AOPEP: variants seen among roughly 807,000 people sequenced by gnomAD.
The protein encoded by AOPEP is aminopeptidase O (putative).
Under a neutral mutation model 98.1 loss-of-function variants are expected in AOPEP, and 77 were observed. That is an observed-to-expected ratio of 0.78 (90% confidence interval 0.65 to 0.95). AOPEP has a LOEUF of 0.95. Among genes scored for constraint, AOPEP ranks in the 40% least tolerant of loss-of-function variants. The probability of loss-of-function intolerance (pLI) is 0.00; values close to 1 mark genes in which losing one functional copy is unlikely to be tolerated. For missense variants in AOPEP, 1,024 were observed against 1,024.7 expected (o/e 1.00, Z 0.01); for synonymous variants, 346 against 365.3 (o/e 0.95, Z 0.60).
intron 13 of AOPEP, among the ~76,000 whole-genome samples, chr9:95,016,286 A>G (rs1431898687): frequency 8.3e-6 from 1 of 120,816 alleles, no homozygotes; most frequent in Non-Finnish European, 1.6e-5. Flanking sequence ...TCTATCGCCC[A>G]GGCTGGAGTG....
At chr9:94,801,963 T>C (rs940825165) in intron 5 of AOPEP, among the ~76,000 whole-genome samples, 3 of 152,194 alleles carry the variant, frequency 2.0e-5, no homozygotes, top group Admixed American at 2.0e-4. Context: ...ACCAGAACAT[T>C]TGCTTTTGAT....
chr9:94,777,170 C>T (rs1842291714), intron 3 of AOPEP, among the ~76,000 whole-genome samples: 1 of 152,068 alleles, frequency 6.6e-6, no homozygotes, highest in South Asian at 2.1e-4. Flanking sequence ...CGGGGTGGCT[C>T]ACGCCTGTAA....
At chr9:94,977,217 T>G (rs569230210) in intron 10 of AOPEP, among the ~76,000 whole-genome samples, 84 of 152,256 alleles carry the variant, frequency 5.5e-4, no homozygotes, top group African/African-American at 2.0e-3. Context: ...GAAGGCCTAT[T>G]CTTGGTGGGT....
chr9:94,791,497 G>A (rs1478495145), intron 3 of AOPEP, among the ~76,000 whole-genome samples: 4 of 145,290 alleles, frequency 2.8e-5, no homozygotes, highest in African/African-American at 7.7e-5. Context: ...GTGAGAACCT[G>A]TCTCTCAAAA....
intron 1 of AOPEP, among the ~76,000 whole-genome samples, chr9:94,740,545 T>C (rs1039992726): frequency 1.3e-5 from 2 of 152,192 alleles, no homozygotes; most frequent in Non-Finnish European, 2.9e-5. Flanking sequence ...CATTTTCTTA[T>C]TGAGTGATAG....
chr9:95,149,591 G>A, the AOPEP span, among the ~76,000 whole-genome samples: 1 of 151,754 alleles, frequency 6.6e-6, no homozygotes, highest in Non-Finnish European at 1.5e-5. Context: ...CGATCCTCCT[G>A]ACTCAGCCCC....
chr9:95,086,239 C>T (rs148555713), intron 16 of AOPEP: 610 of 1,252,252 alleles, frequency 4.9e-4, no homozygotes, highest in Non-Finnish European at 5.9e-4. Flanking sequence ...TGTGCTCCTG[C>T]GGCGTGGGGG....
chr9:94,955,346 C>A, intron 8 of AOPEP, 67 bp downstream of exon 8: 1 of 938,276 alleles, frequency 1.1e-6, no homozygotes, highest in South Asian at 1.4e-5. Context: ...CACAATTAAA[C>A]AATGATGATT....
chr9:94,986,490 A>G (rs1387050555), intron 11 of AOPEP, among the ~76,000 whole-genome samples: 1 of 152,206 alleles, frequency 6.6e-6, no homozygotes, highest in Non-Finnish European at 1.5e-5. Flanking sequence ...AATGGCCAAT[A>G]AAAATTACTC....
intron 13 of AOPEP, among the ~76,000 whole-genome samples, chr9:95,032,476 A>G (rs148258271): frequency 6.6e-6 from 1 of 152,392 alleles, no homozygotes; most frequent in East Asian, 1.9e-4. Context: ...AACAAAAGCC[A>G]GAGAGTGAAA....
intron 5 of AOPEP, among the ~76,000 whole-genome samples, chr9:94,841,272 A>C (rs1233945892): frequency 6.6e-6 from 1 of 151,820 alleles, no homozygotes; most frequent in East Asian, 1.9e-4. Context: ...CCTGCGTTCA[A>C]GTAACTCTCC....
At chr9:95,028,228 A>G (rs2064001275) in intron 13 of AOPEP, among the ~76,000 whole-genome samples, 1 of 152,192 alleles carries the variant, frequency 6.6e-6, no homozygotes. Flanking sequence ...ATTTACATCA[A>G]TTATTTTGGC....
At chr9:95,043,251 T>TATATATATACATATATATAAAG (rs373944079) in intron 13 of AOPEP, among the ~76,000 whole-genome samples, 1 of 147,632 alleles carries the variant, frequency 6.8e-6, no homozygotes. Flanking sequence ...TATATACAGA[T>TATATATATACATATATATAAAG]ATATATATAC....
At chr9:95,138,318 C>T in the AOPEP span, among the ~76,000 whole-genome samples, 4 of 152,168 alleles carry the variant, frequency 2.6e-5, no homozygotes, top group East Asian at 1.9e-4. Context: ...GTGGGCCAGA[C>T]GCCGTGCCTG....
At chr9:94,750,737 C>T (rs1835519642) in intron 1 of AOPEP, among the ~76,000 whole-genome samples, 2 of 149,316 alleles carry the variant, frequency 1.3e-5, no homozygotes, top group African/African-American at 4.9e-5. Flanking sequence ...GATGATTTTT[C>T]TTTTCTTTTC....
At chr9:95,104,952 C>T in the AOPEP span, among the ~76,000 whole-genome samples, 2 of 152,308 alleles carry the variant, frequency 1.3e-5, no homozygotes, top group South Asian at 2.1e-4. Flanking sequence ...ATTTGTCTCT[C>T]GCGTCTGGCT....
At chr9:95,133,406 G>T in the AOPEP span, among the ~76,000 whole-genome samples, 2 of 152,232 alleles carry the variant, frequency 1.3e-5, no homozygotes, top group African/African-American at 4.8e-5. Context: ...CTGAATTTCT[G>T]CACACATGAT....
downstream of AOPEP, among the ~76,000 whole-genome samples, chr9:95,091,290 G>C (rs748469415): frequency 6.6e-6 from 1 of 152,222 alleles, no homozygotes; most frequent in Non-Finnish European, 1.5e-5. Context: ...AGTCCCACCC[G>C]GCAAGGGGCC....
intron 11 of AOPEP, among the ~76,000 whole-genome samples, chr9:94,987,129 G>C (rs542995808): frequency 1.6e-4 from 24 of 152,322 alleles, no homozygotes; most frequent in Admixed American, 1.4e-3. Flanking sequence ...AGAGACTGTG[G>C]ATGATTCAAA....
Sources: gnomAD v4.1 joint callset for allele counts (sites outside exome capture counted in the v4.1 genomes callset) on GRCh38, gnomAD v4.1.1 for gene constraint, MANE v1.5 for transcripts, NCBI Gene and HGNC (gene_info 2026-07-23, HGNC 2026-07-21) for gene names.